CSMD3: variants seen among roughly 807,000 people sequenced by gnomAD.
The protein encoded by CSMD3 is CUB and Sushi multiple domains 3.
Under a neutral mutation model 435.2 loss-of-function variants are expected in CSMD3, and 177 were observed. That is an observed-to-expected ratio of 0.41 (90% CI 0.36 to 0.46). The LOEUF is 0.46. Ranked by LOEUF, CSMD3 falls within the 20% of genes least tolerant of loss-of-function variation. The pLI is 0.34. For missense variants in CSMD3, 4,265 were observed against 4,504.6 expected (o/e 0.95, Z 1.52); for synonymous variants, 1,656 against 1,520.5 (o/e 1.09, Z -2.07).
At chr8:112,514,899 T>TA (rs1328820654) in intron 28 of CSMD3, among the ~76,000 whole-genome samples, 1 of 152,078 alleles carries the variant, frequency 6.6e-6, no homozygotes, top group Non-Finnish European at 1.5e-5. Flanking sequence ...TTTCAGACTT[T>TA]TTTTTTAAGG....
At chr8:113,118,149 T>C (rs181527876) in intron 4 of CSMD3, among the ~76,000 whole-genome samples, 2 of 152,318 alleles carry the variant, frequency 1.3e-5, no homozygotes, top group East Asian at 3.9e-4. Flanking sequence ...TCAGTCTCGA[T>C]TACAATATCC....
At chr8:113,004,193 C>A (rs1185613614) in intron 6 of CSMD3, among the ~76,000 whole-genome samples, 1 of 151,914 alleles carries the variant, frequency 6.6e-6, no homozygotes, top group African/African-American at 2.4e-5. Context: ...GGACTACAAT[C>A]CTCTTGTAGG....
chr8:112,287,232 T>C lies in CSMD3; in HGVS notation c.9163A>G (p.Thr3055Ala), dbSNP rs767076106. 3.1e-6 allele frequency: 5 copies of C among 1,613,482 alleles called. No homozygotes were observed. The highest frequency in any genetic ancestry group is 2.2e-5 in the South Asian group (2 of 91,082). Residue 3055 changes from threonine (T) to alanine (A), a missense_variant, in exon 58 of 71, where the codon ACA becomes GCA. By Grantham distance (58) the Thr-to-Ala change is moderately conservative. Coordinates refer to ENST00000297405, the MANE Select transcript of CSMD3 (RefSeq NM_198123.2). ...CCGGGAGTACCTGGATCGCCACATG[T>C]CCCAGTAGCATCACCTGCAATGCAG... ...QPHCSGDATGTCGDPGTPGHG... is the reference protein window; with the variant it reads ...QPHCSGDATGACGDPGTPGHG...
At chr8:112,390,523 T>A in intron 36 of CSMD3, 141 bp downstream of exon 36, 2 of 725,420 alleles carry the variant, frequency 2.8e-6, no homozygotes, top group Non-Finnish European at 4.6e-6. Context: ...AAAAAATTAA[T>A]AACAAATATC....
intron 5 of CSMD3, among the ~76,000 whole-genome samples, chr8:113,094,564 C>T (rs2090105048): frequency 6.6e-6 from 1 of 152,140 alleles, no homozygotes; most frequent in African/African-American, 2.4e-5. Flanking sequence ...TCTCACGCTA[C>T]TAATCTATTT....
At chr8:112,673,041 G>A (rs531125808) in intron 16 of CSMD3, among the ~76,000 whole-genome samples, 60 of 152,164 alleles carry the variant, frequency 3.9e-4, no homozygotes, top group African/African-American at 1.3e-3. Flanking sequence ...CAGGGATTTT[G>A]CCATAGGTGA....
At chr8:112,939,640 G>T (rs1380096599) in intron 9 of CSMD3, among the ~76,000 whole-genome samples, 2 of 151,916 alleles carry the variant, frequency 1.3e-5, no homozygotes, top group Non-Finnish European at 2.9e-5. Context: ...GTTATAAAAA[G>T]TTGAAAATAA....
intron 6 of CSMD3, among the ~76,000 whole-genome samples, chr8:113,013,095 C>A (rs924745998): frequency 1.3e-5 from 2 of 151,888 alleles, no homozygotes; most frequent in African/African-American, 4.8e-5. Context: ...TTGCTTTGAT[C>A]CTGTGCTCTA....
intron 32 of CSMD3, among the ~76,000 whole-genome samples, chr8:112,431,573 G>C (rs1006403317): frequency 5.9e-5 from 9 of 152,084 alleles, no homozygotes; most frequent in African/African-American, 2.2e-4. Context: ...TCTTTAGAGA[G>C]GTCGAGCTTG....
At chr8:112,477,610 C>T (rs1472001120) in intron 31 of CSMD3, among the ~76,000 whole-genome samples, 1 of 152,032 alleles carries the variant, frequency 6.6e-6, no homozygotes, top group African/African-American at 2.4e-5. Context: ...GGCACCTCCC[C>T]ATTCTCTCTC....
At chr8:112,341,429 A>G (rs1465944401) in intron 42 of CSMD3, 48 bp downstream of exon 42, 6 of 1,152,468 alleles carry the variant, frequency 5.2e-6, no homozygotes, top group African/African-American at 1.5e-5. Context: ...TATTTCTAAT[A>G]GCTGATTTGG....
chr8:112,826,369 G>T, intron 12 of CSMD3, among the ~76,000 whole-genome samples: 1 of 152,176 alleles, frequency 6.6e-6, no homozygotes, highest in African/African-American at 2.4e-5. Context: ...CCCTTCCCCT[G>T]AGAGCTCGGC....
At chr8:112,241,399 T>C (rs1814130169) in intron 66 of CSMD3, among the ~76,000 whole-genome samples, 1 of 152,090 alleles carries the variant, frequency 6.6e-6, no homozygotes, top group Non-Finnish European at 1.5e-5. Flanking sequence ...CATATACATT[T>C]AAAAATGTTA....
intron 24 of CSMD3, among the ~76,000 whole-genome samples, chr8:112,561,737 C>T (rs939767984): frequency 2.6e-5 from 4 of 151,638 alleles, no homozygotes; most frequent in Non-Finnish European, 5.9e-5. Flanking sequence ...TTTTTTATTA[C>T]ATATCTATAC....
chr8:113,084,770 G>C (rs1336821016), intron 5 of CSMD3, among the ~76,000 whole-genome samples: 2 of 151,830 alleles, frequency 1.3e-5, no homozygotes, highest in African/African-American at 4.8e-5. Context: ...CAGATACGTA[G>C]ATCAATAAAA....
At chr8:112,682,751 T>C in intron 15 of CSMD3, 115 bp from the exon 16 acceptor site, 2 of 788,906 alleles carry the variant, frequency 2.5e-6, no homozygotes, top group Admixed American at 4.2e-5. Flanking sequence ...AGGTTGTGTT[T>C]ATTTCTACAC....
chr8:113,404,539 T>C (rs1174165234), intron 1 of CSMD3, among the ~76,000 whole-genome samples: 4 of 151,542 alleles, frequency 2.6e-5, no homozygotes, highest in African/African-American at 4.8e-5. Context: ...AGAGAGATTA[T>C]ATAGAATAAA....
At chr8:112,257,334 T>C (rs1815906749) in intron 61 of CSMD3, among the ~76,000 whole-genome samples, 1 of 152,244 alleles carries the variant, frequency 6.6e-6, no homozygotes, top group East Asian at 1.9e-4. Flanking sequence ...AGACAGGAAG[T>C]CAAATTGTCT....
At chr8:112,263,454 T>G (rs772837322) in intron 61 of CSMD3, among the ~76,000 whole-genome samples, 185 bp downstream of exon 61, 1 of 152,174 alleles carries the variant, frequency 6.6e-6, no homozygotes, top group Non-Finnish European at 1.5e-5. Context: ...AACCGTTTAG[T>G]GTAAAATTTT....
Sources: allele counts gnomAD v4.1 joint callset (sites outside exome capture counted in the v4.1 genomes callset), GRCh38; gene constraint gnomAD v4.1.1; transcripts MANE v1.5; gene names NCBI Gene and HGNC (gene_info 2026-07-23, HGNC 2026-07-21).